LRRC4C: variants seen among roughly 807,000 people sequenced by gnomAD.
LRRC4C encodes leucine rich repeat containing 4C.
In LRRC4C, 5 loss-of-function variants were observed where a neutral mutation model predicts 33.6. The ratio of observed to expected loss-of-function variants is 0.15; its 90% CI spans 0.08 to 0.31. The LOEUF is 0.31. Among genes scored for constraint, LRRC4C ranks in the 10% least tolerant of loss-of-function variants. The pLI is 1.00. For missense variants in LRRC4C, 560 were observed against 796.7 expected (o/e 0.70, Z 3.58); for synonymous variants, 329 against 302.0 (o/e 1.09, Z -0.93).
At chr11:40,964,720 A>G (rs1162224591) in intron 1 of LRRC4C, among the ~76,000 whole-genome samples, 1 of 151,836 alleles carries the variant, frequency 6.6e-6, no homozygotes, top group Non-Finnish European at 1.5e-5. Flanking sequence ...TTATGGCTGC[A>G]TAGTATTCCA....
chr11:41,347,690 T>C (rs945997594), intron 1 of LRRC4C, among the ~76,000 whole-genome samples: 3 of 152,148 alleles, frequency 2.0e-5, no homozygotes, highest in African/African-American at 7.2e-5. Context: ...AAGATGTTGA[T>C]AAAAATGACC....
intron 2 of LRRC4C, among the ~76,000 whole-genome samples, chr11:40,679,035 G>C (rs1182466820): frequency 1.3e-5 from 2 of 152,180 alleles, no homozygotes; most frequent in East Asian, 3.9e-4. Context: ...ATAGTGATAT[G>C]AACAATAAGT....
At chr11:41,191,327 G>A (rs1274005573) in intron 1 of LRRC4C, among the ~76,000 whole-genome samples, 2 of 152,156 alleles carry the variant, frequency 1.3e-5, no homozygotes, top group African/African-American at 2.4e-5. Flanking sequence ...TTTATGCCAT[G>A]CAAAAACGTT....
chr11:40,594,001 C>CT (rs1189806244), intron 3 of LRRC4C, among the ~76,000 whole-genome samples: 2 of 152,152 alleles, frequency 1.3e-5, no homozygotes, highest in African/African-American at 2.4e-5. Context: ...AACATGCTTA[C>CT]TAGCTGAAGC....
At chr11:41,026,884 C>T (rs1384583423) in intron 1 of LRRC4C, among the ~76,000 whole-genome samples, 1 of 151,468 alleles carries the variant, frequency 6.6e-6, no homozygotes, top group Non-Finnish European at 1.5e-5. Flanking sequence ...ATAATGTAAA[C>T]ATAATTTTTA....
At chr11:40,825,759 C>G (rs1298579982) in intron 2 of LRRC4C, among the ~76,000 whole-genome samples, 1 of 151,434 alleles carries the variant, frequency 6.6e-6, no homozygotes, top group African/African-American at 2.4e-5. Flanking sequence ...ATTTAAGAGT[C>G]TGCCAGAGTC....
intron 2 of LRRC4C, among the ~76,000 whole-genome samples, chr11:40,733,539 G>A (rs1234369018): frequency 1.3e-5 from 2 of 152,142 alleles, no homozygotes; most frequent in East Asian, 1.9e-4. Flanking sequence ...GAGATGTTTG[G>A]GTTTAGATAA....
intron 4 of LRRC4C, among the ~76,000 whole-genome samples, chr11:40,267,497 G>T (rs1942364199): frequency 6.6e-6 from 1 of 152,020 alleles, no homozygotes; most frequent in South Asian, 2.1e-4. Flanking sequence ...GACTACAGGC[G>T]CCCGCCACCA....
chr11:40,983,009 T>G (rs1370781834), intron 1 of LRRC4C, among the ~76,000 whole-genome samples: 1 of 152,176 alleles, frequency 6.6e-6, no homozygotes, highest in African/African-American at 2.4e-5. Flanking sequence ...AATCTTGTTC[T>G]TTTTTATGAC....
In LRRC4C at chr11:41,141,121, A is replaced by G. The variant is rs1317348913; in HGVS notation, c.-495-207398T>C. On this transcript the variant is annotated intron_variant, in intron 1 of 6. Coordinates refer to ENST00000528697, the MANE Select transcript of LRRC4C (RefSeq NM_001258419.2). ...AGCTAAATGCAACTTCAAAGCAAAA[A>G]GTTTTCTGCAAAATGTAAAGCATTA... Among the ~76,000 whole-genome samples, 9 of 152,296 alleles carry G rather than the reference A, an allele frequency of 5.9e-5. No homozygotes were observed. In the East Asian group the frequency reaches 1.7e-3, roughly 29 times the overall value.
chr11:40,652,530 A>C (rs186573410), intron 2 of LRRC4C, among the ~76,000 whole-genome samples: 1 of 152,346 alleles, frequency 6.6e-6, no homozygotes, highest in Admixed American at 6.5e-5. Flanking sequence ...TAAAAAATGT[A>C]ACAGCACTAA....
chr11:40,634,790 G>A (rs1963808570), intron 3 of LRRC4C, among the ~76,000 whole-genome samples: 1 of 152,038 alleles, frequency 6.6e-6, no homozygotes, highest in Non-Finnish European at 1.5e-5. Context: ...GCTAAGGCAG[G>A]TGGCGGGGGG....
intron 5 of LRRC4C, among the ~76,000 whole-genome samples, chr11:40,151,983 C>T (rs1385467759): frequency 6.6e-6 from 1 of 152,166 alleles, no homozygotes; most frequent in Non-Finnish European, 1.5e-5. Context: ...GCAGCTCAGA[C>T]AGAGCAGCAT....
chr11:41,013,901 T>A (rs1056362405), intron 1 of LRRC4C, among the ~76,000 whole-genome samples: 7 of 151,524 alleles, frequency 4.6e-5, no homozygotes, highest in Non-Finnish European at 8.8e-5. Context: ...GAGATGGAGG[T>A]GCTACACACT....
chr11:40,859,168 G>C (rs990865173), intron 2 of LRRC4C, among the ~76,000 whole-genome samples: 3 of 152,296 alleles, frequency 2.0e-5, no homozygotes, highest in African/African-American at 7.2e-5. Flanking sequence ...CAGTAATATA[G>C]AGGGTTAAGA....
At chr11:40,549,261 C>T (rs116110193) in intron 3 of LRRC4C, among the ~76,000 whole-genome samples, 168 of 152,204 alleles carry the variant, frequency 1.1e-3, no homozygotes, top group African/African-American at 3.9e-3. Flanking sequence ...AACTGGTTAA[C>T]TGGGCCTGAA....
At chr11:40,718,320 C>A (rs1946834013) in intron 2 of LRRC4C, among the ~76,000 whole-genome samples, 1 of 152,134 alleles carries the variant, frequency 6.6e-6, no homozygotes, top group South Asian at 2.1e-4. Flanking sequence ...TTTTACAATG[C>A]ATAGGACAGC....
At chr11:40,886,061 T>C (rs1955438385) in intron 2 of LRRC4C, among the ~76,000 whole-genome samples, 1 of 152,210 alleles carries the variant, frequency 6.6e-6, no homozygotes, top group African/African-American at 2.4e-5. Flanking sequence ...CAGTGGCACC[T>C]TGCTCCTTCT....
At chr11:40,834,903 G>GACACACACAC (rs1257327297) in intron 2 of LRRC4C, among the ~76,000 whole-genome samples, 32 of 39,152 alleles carry the variant, frequency 8.2e-4, no homozygotes, top group South Asian at 1.4e-3. Flanking sequence ...CAGACAGACA[G>GACACACACAC]ACAGACAGAC....
Sources: allele counts gnomAD v4.1 joint callset (sites outside exome capture counted in the v4.1 genomes callset), GRCh38; gene constraint gnomAD v4.1.1; transcripts MANE v1.5; gene names NCBI Gene and HGNC (gene_info 2026-07-23, HGNC 2026-07-21).